The following PCDHGA1 variants were observed in gnomAD, a reference collection of about 807,000 sequenced individuals.
PCDHGA1 encodes protocadherin gamma subfamily A, 1, also known as protocadherin gamma-A1.
Under a neutral mutation model 58.0 loss-of-function variants are expected in PCDHGA1, and 32 were observed. The ratio of observed to expected loss-of-function variants is 0.55; its 90% CI spans 0.42 to 0.74. PCDHGA1 has a LOEUF of 0.74. Among genes scored for constraint, PCDHGA1 ranks in the 30% least tolerant of loss-of-function variants. The probability of loss-of-function intolerance (pLI) is 0.00; values close to 1 mark genes in which losing one functional copy is unlikely to be tolerated. For synonymous variants in PCDHGA1, 498 were observed against 501.1 expected (o/e 0.99, Z 0.08); for missense variants, 1,205 against 1,182.3 (o/e 1.02, Z -0.28).
chr5:141,419,539 G>A, intron 1 of PCDHGA1: 3 of 1,612,058 alleles, frequency 1.9e-6, no homozygotes, highest in Non-Finnish European at 2.5e-6. Flanking sequence ...ACAACGCACC[G>A]CGGGTGCTGT....
intron 1 of PCDHGA1, chr5:141,478,760 C>T (rs1472984737): frequency 1.5e-5 from 23 of 1,510,888 alleles, no homozygotes; most frequent in Non-Finnish European, 1.9e-5. Context: ...GGGGAAGATA[C>T]TTGACTCATC....
rs142587256 is a variant in PCDHGA1, at chr5:141,338,891, A to C, written c.2421+5786A>C. 2.0e-6 allele frequency: 3 copies of C among 1,473,840 alleles called. No homozygotes were observed. The African/African-American group carries it at 4.2e-5, about 21-fold the overall frequency. 91.3% of individuals were successfully genotyped at this position (1,473,840 alleles called of 1,614,324 possible). A position where few individuals can be genotyped will look rare whatever the true frequency, so the allele number is the denominator to read the frequency against. Reference sequence around the variant, plus strand: ...GACCTGGGTCCCGTGAATGCTGGTTATCTCACACCCTGAGGAATAAAGATT... The same window carrying C: ...GACCTGGGTCCCGTGAATGCTGGTTCTCTCACACCCTGAGGAATAAAGATT... On this transcript the variant is annotated intron_variant, in intron 1 of 3. Coordinates refer to ENST00000517417, the MANE Select transcript of PCDHGA1 (RefSeq NM_018912.3).
At chr5:141,426,655 A>C (rs2096950037) in intron 1 of PCDHGA1, 1 of 424,748 alleles carries the variant, frequency 2.4e-6, no homozygotes, top group Non-Finnish European at 4.8e-6. Flanking sequence ...ATGATAGAAG[A>C]TATAAATGAT....
At chr5:141,419,299 C>T in intron 1 of PCDHGA1, 12 of 1,614,048 alleles carry the variant, frequency 7.4e-6, no homozygotes, top group Non-Finnish European at 1.0e-5. Flanking sequence ...CTGACCCAGA[C>T]TTCGGGCTCA....
In PCDHGA1 at chr5:141,332,453, A is replaced by C. The variant is rs1406664722; in HGVS notation, c.1769A>C (p.Lys590Thr). The change falls in exon 1 of 4, where the codon AAG becomes ACG. Residue 590 changes from lysine (K) to threonine (T), a missense_variant. Coordinates refer to ENST00000517417, the MANE Select transcript of PCDHGA1 (RefSeq NM_018912.3). This position sits in a 1 kb window ranked among gnomAD's most constrained non-coding sequence, Gnocchi z 4.6. ...LSAEPGYLVT[K>T]VVAVDRDSGQ... is the part of the protein sequence containing the mutation. ...GCAGAGCCCGGCTACCTGGTGACCA[A>C]GGTGGTGGCGGTGGACAGAGACTCG... 6.2e-7 allele frequency: 1 copy of C among 1,613,556 alleles called. No individual in the cohort carries two copies. The highest frequency in any genetic ancestry group is 8.5e-7 in the Non-Finnish European group (1 of 1,180,012).
At chr5:141,451,926 T>G (rs994841982) in intron 1 of PCDHGA1, among the ~76,000 whole-genome samples, 5 of 151,122 alleles carry the variant, frequency 3.3e-5, no homozygotes, top group Non-Finnish European at 7.4e-5. Context: ...GGAAGGGAGG[T>G]AGGGAGGCAG....
chr5:141,341,338 T>A lies in PCDHGA1; in HGVS notation c.2421+8233T>A, dbSNP rs1365807250. ...GCCAGGAGAGCTGTGAGAAAAAGGA[T>A]TTTTTATCAGCGCCTCAATCTCTAC... On this transcript the variant is annotated intron_variant, in intron 1 of 3. Coordinates refer to ENST00000517417, the MANE Select transcript of PCDHGA1 (RefSeq NM_018912.3). 3.1e-6 allele frequency: 5 copies of A among 1,614,200 alleles called. No homozygotes were observed. In the East Asian group the frequency reaches 8.9e-5, roughly 29 times the overall value.
intron 1 of PCDHGA1, chr5:141,413,734 C>A: frequency 6.2e-7 from 1 of 1,613,422 alleles, no homozygotes; most frequent in Non-Finnish European, 8.5e-7. Context: ...CCTAAGAGTT[C>A]AGAGCCGTGC....
At chr5:141,389,889 G>T (rs1190060148) in intron 1 of PCDHGA1, 1 of 1,614,086 alleles carries the variant, frequency 6.2e-7, no homozygotes, top group South Asian at 1.1e-5. Context: ...CTTGCAGGAG[G>T]TGCTGCCGGA....
intron 1 of PCDHGA1, chr5:141,374,321 C>T (rs763545631): frequency 8.7e-6 from 14 of 1,613,942 alleles, no homozygotes; most frequent in Non-Finnish European, 5.1e-6. Context: ...TCTGAATCCG[C>T]GAAACGGCAG....
chr5:141,360,462 C>T, intron 1 of PCDHGA1: 1 of 1,613,902 alleles, frequency 6.2e-7, no homozygotes, highest in South Asian at 1.1e-5. Context: ...TCGATACTGT[C>T]GCTGAAAATC....
At chr5:141,427,863 G>A (rs769808388) in intron 1 of PCDHGA1, 1 of 1,557,316 alleles carries the variant, frequency 6.4e-7, no homozygotes, top group Non-Finnish European at 8.8e-7. Context: ...GTGCGCCTTC[G>A]AGCTCACGAT....
At chr5:141,377,345 C>T (rs1275867689) in intron 1 of PCDHGA1, 1 of 152,148 alleles carries the variant, frequency 6.6e-6, no homozygotes, top group African/African-American at 2.4e-5. Flanking sequence ...GTGGTTCACG[C>T]CTGTAATCCC....
rs1228384684 is a variant in PCDHGA1 at position 141,432,189 on chromosome 5, A to G, written c.2422-62618A>G. On this transcript the variant is annotated intron_variant, in intron 1 of 3. Coordinates refer to ENST00000517417, the MANE Select transcript of PCDHGA1 (RefSeq NM_018912.3). This position sits in a 1 kb window ranked among gnomAD's most constrained non-coding sequence, Gnocchi z 6.0. The stretch of plus-strand genomic sequence containing the variant: ...GTTTCCCTCGTCTCTGTGACCGCCC[A>G]CGACCCCGACTGTGAAGAGAACGCC... 6.2e-6 allele frequency: 10 copies of G among 1,613,964 alleles called. No homozygotes were observed. Among genetic ancestry groups the G allele is most frequent in the African/African-American group, 1.3e-5 (1 of 74,878 alleles).
intron 1 of PCDHGA1, chr5:141,393,114 C>T (rs750579370): frequency 1.9e-6 from 3 of 1,613,418 alleles, no homozygotes; most frequent in Non-Finnish European, 8.5e-7. Context: ...TCAGAGCCCG[C>T]GGTGTCTGAT....
At chr5:141,475,282 G>C (rs942761003) in intron 1 of PCDHGA1, among the ~76,000 whole-genome samples, 2 of 152,150 alleles carry the variant, frequency 1.3e-5, no homozygotes, top group African/African-American at 4.8e-5. Context: ...TGAAAGACAG[G>C]GTAGGGAAAT....
chr5:141,490,908 C>T lies in PCDHGA1; in HGVS notation c.2422-3899C>T, dbSNP rs201078924. On this transcript the variant is annotated intron_variant, in intron 1 of 3. Coordinates refer to ENST00000517417, the MANE Select transcript of PCDHGA1 (RefSeq NM_018912.3). This position sits in a 1 kb window ranked among gnomAD's most constrained non-coding sequence, Gnocchi z 5.4. The stretch of plus-strand genomic sequence containing the variant: ...CATCTCTGCATGTGTTTGTCCTAGA[C>T]GAGAATGATAATGCCCCAGCTGTGC... 42 of 1,613,710 alleles carry T rather than the reference C, an allele frequency of 2.6e-5. No homozygotes were observed. The highest frequency in any genetic ancestry group is 8.3e-5 in the Admixed American group (5 of 60,018).
rs746311453 is a variant in PCDHGA1 at position 141,428,229 on chromosome 5, C to T, written c.2422-66578C>T. On this transcript the variant is annotated intron_variant, in intron 1 of 3. Coordinates refer to ENST00000517417, the MANE Select transcript of PCDHGA1 (RefSeq NM_018912.3). ...CGCTTCACCTAGTCTTCGCAGACAGCCTGCAGGAGGCACTGCCAGACTTCA... is the reference window on the plus strand; with the variant it reads ...CGCTTCACCTAGTCTTCGCAGACAGTCTGCAGGAGGCACTGCCAGACTTCA... 3 of 1,098,554 alleles carry T rather than the reference C, an allele frequency of 2.7e-6. No homozygotes were observed. In the South Asian group the frequency reaches 3.9e-5, roughly 14 times the overall value. The allele number at this position is 1,098,554 out of a possible 1,614,324, so 68.1% of individuals were successfully genotyped here.
At chr5:141,420,289 AT>A in intron 1 of PCDHGA1, 1 of 1,497,936 alleles carries the variant, frequency 6.7e-7, no homozygotes, top group Non-Finnish European at 9.0e-7. Flanking sequence ...GTATTTAAAA[AT>A]GTATTTAATC....
Sources: gnomAD v4.1 joint callset for allele counts (sites outside exome capture counted in the v4.1 genomes callset) on GRCh38, gnomAD v4.1.1 for gene constraint, Gnocchi (gnomAD v3.1) non-coding constraint, MANE v1.5 for transcripts, NCBI Gene and HGNC (gene_info 2026-07-23, HGNC 2026-07-21) for gene names.